Variants in CCPG1 observed in about 807,000 individuals in gnomAD.
The protein encoded by CCPG1 is cell cycle progression 1.
CCPG1 carries 46 observed loss-of-function variants against 81.3 expected under a neutral mutation model. The observed-to-expected ratio is 0.57, with a 90% CI of 0.45 to 0.72. CCPG1 has a LOEUF of 0.72. Among genes scored for constraint, CCPG1 ranks in the 30% least tolerant of loss-of-function variants. The pLI, the probability that CCPG1 is intolerant of heterozygous loss-of-function variation, is 0.00. For synonymous variants in CCPG1, 330 were observed against 305.2 expected (o/e 1.08, Z -0.85); for missense variants, 902 against 937.6 (o/e 0.96, Z 0.50).
intron 1 of CCPG1, 32 bp from the exon 2 acceptor site, chr15:55,389,465 A>G (rs2056870395): frequency 6.7e-7 from 1 of 1,486,864 alleles, no homozygotes. Context: ...GACTCATGAG[A>G]CACATTTTTT....
At chr15:55,379,639 C>G (rs1223939389) in intron 3 of CCPG1, among the ~76,000 whole-genome samples, 1 of 151,996 alleles carries the variant, frequency 6.6e-6, no homozygotes, top group African/African-American at 2.4e-5. Flanking sequence ...CAAAACCAGC[C>G]TAGGCAACAT....
At position 55,377,251 on chromosome 15, in the gene CCPG1, T is replaced by C. The variant is rs1223861923; in HGVS notation, c.253-101A>G. On this transcript the variant is annotated intron_variant, in intron 4 of 8. Transcript: ENST00000442196. ...TAGTAAGTATTATAGTCATCTGAGT[T>C]AAAATAAAAGATATGATTCCTACTA... The C allele has an allele frequency of 3.8e-6, 3 of 798,824 alleles. No homozygotes were observed. In the East Asian group the frequency reaches 7.8e-5, roughly 21 times the overall value. 49.5% of individuals were successfully genotyped at this position (798,824 alleles called of 1,614,324 possible).
At chr15:55,394,647 T>C (rs118138050) in intron 1 of CCPG1, among the ~76,000 whole-genome samples, 1,933 of 152,226 alleles carry the variant, frequency 0.013, 25 homozygotes, top group Non-Finnish European at 0.017. Flanking sequence ...AAAGATAACA[T>C]TGAAACCAGC....
intron 4 of CCPG1, among the ~76,000 whole-genome samples, chr15:55,378,045 A>G (rs778682549): frequency 2.6e-5 from 4 of 152,206 alleles, no homozygotes; most frequent in Admixed American, 6.5e-5. Context: ...ATGAAACCTA[A>G]CAGTTTAATT....
chr15:55,407,052 CCGCCGTCT>C (rs1266844831), intron 1 of CCPG1, among the ~76,000 whole-genome samples: 1 of 149,644 alleles, frequency 6.7e-6, no homozygotes, highest in Admixed American at 6.6e-5. Context: ...CCCCCCCGCC[CCGCCGTCT>C]CTACTAAAAA....
At chr15:55,368,396 C>T (rs531629949) in intron 6 of CCPG1, among the ~76,000 whole-genome samples, 1 of 152,270 alleles carries the variant, frequency 6.6e-6, no homozygotes, top group Admixed American at 6.5e-5. Flanking sequence ...TTAGACACAA[C>T]TTAAATCTTA....
At chr15:55,403,162 C>A (rs1397877499) in intron 1 of CCPG1, among the ~76,000 whole-genome samples, 1 of 152,134 alleles carries the variant, frequency 6.6e-6, no homozygotes, top group Non-Finnish European at 1.5e-5. Flanking sequence ...CCACCACTTA[C>A]AAAGCAATTT....
intron 1 of CCPG1, among the ~76,000 whole-genome samples, chr15:55,401,504 T>TA (rs1274135411): frequency 2.0e-5 from 3 of 152,056 alleles, no homozygotes; most frequent in Non-Finnish European, 4.4e-5. Flanking sequence ...CCGTCTCTAC[T>TA]AAAAATACAA....
chr15:55,392,735 TCA>T (rs1224762013), intron 1 of CCPG1, among the ~76,000 whole-genome samples: 1 of 152,150 alleles, frequency 6.6e-6, no homozygotes, highest in East Asian at 1.9e-4. Context: ...CAGGTTGGTT[TCA>T]CACTCCTGAG....
intron 8 of CCPG1, chr15:55,357,058 G>A (rs1370101079): frequency 9.1e-6 from 9 of 985,318 alleles, no homozygotes; most frequent in East Asian, 2.3e-4. Context: ...CCCCATGGAT[G>A]TTGGTGTTCT....
At chr15:55,385,246 A>C (rs1225930968) in intron 3 of CCPG1, among the ~76,000 whole-genome samples, 1 of 152,162 alleles carries the variant, frequency 6.6e-6, no homozygotes, top group Non-Finnish European at 1.5e-5. Flanking sequence ...GCTCACTGCA[A>C]ACTCCGCCTC....
At chr15:55,361,844 T>C (rs750533889) in intron 7 of CCPG1, among the ~76,000 whole-genome samples, 1 of 152,234 alleles carries the variant, frequency 6.6e-6, no homozygotes, top group Non-Finnish European at 1.5e-5. Flanking sequence ...TTTAGTCCTA[T>C]GCAATTAACA....
intron 6 of CCPG1, among the ~76,000 whole-genome samples, chr15:55,370,030 TA>T (rs1239969296): frequency 6.6e-6 from 1 of 152,200 alleles, no homozygotes; most frequent in Non-Finnish European, 1.5e-5. Flanking sequence ...AATCAAATCT[TA>T]TTACAACAAA....
chr15:55,405,517 A>G, intron 1 of CCPG1, among the ~76,000 whole-genome samples: 1 of 152,060 alleles, frequency 6.6e-6, no homozygotes, highest in Admixed American at 6.6e-5. Flanking sequence ...AGACTGAACC[A>G]CCATACAATA....
At chr15:55,358,576 G>A in intron 8 of CCPG1, 1 of 985,368 alleles carries the variant, frequency 1.0e-6, no homozygotes, top group Non-Finnish European at 1.2e-6. Context: ...TTCCCTGTCT[G>A]CATAGCAAAT....
rs1490715391 is a variant in CCPG1 at position 55,360,948 on chromosome 15, C to T, written c.829-4G>A. 1 of 1,511,576 alleles carries T rather than the reference C, an allele frequency of 6.6e-7. No individual in the cohort carries two copies. The highest frequency in any genetic ancestry group is 2.3e-5 in the East Asian group (1 of 43,648). 93.6% of individuals were successfully genotyped at this position (1,511,576 alleles called of 1,614,324 possible). On this transcript the variant is annotated splice_region_variant and splice_polypyrimidine_tract_variant and intron_variant, in intron 7 of 8. Coordinates refer to ENST00000442196, the MANE Select transcript of CCPG1 (RefSeq NM_001204450.2). The stretch of plus-strand genomic sequence containing the variant: ...TTGCAAGATTTTCTTTCAATGACTA[C>T]ATTTTTTTTTGAAAGAGAAGAAATA...
At chr15:55,357,380 CAT>C in intron 8 of CCPG1, 1 of 985,454 alleles carries the variant, frequency 1.0e-6, no homozygotes, top group South Asian at 4.7e-5. Flanking sequence ...TTCATCAGCT[CAT>C]GTCTGTATTA....
intron 2 of CCPG1, among the ~76,000 whole-genome samples, chr15:55,386,269 T>G (rs926042407): frequency 6.6e-6 from 1 of 151,192 alleles, no homozygotes; most frequent in African/African-American, 2.4e-5. Context: ...TGCAAATAAC[T>G]ACTTATTATG....
At chr15:55,389,756 G>C (rs912283505) in intron 1 of CCPG1, among the ~76,000 whole-genome samples, 1 of 152,192 alleles carries the variant, frequency 6.6e-6, no homozygotes, top group Non-Finnish European at 1.5e-5. Flanking sequence ...ATCGTGAATG[G>C]GGAGCAGGCA....
Sources: allele counts gnomAD v4.1 joint callset (sites outside exome capture counted in the v4.1 genomes callset), GRCh38; gene constraint gnomAD v4.1.1; transcripts MANE v1.5; gene names NCBI Gene and HGNC (gene_info 2026-07-23, HGNC 2026-07-21).